Variants in RUNX1 observed in about 807,000 individuals in gnomAD.
The protein encoded by RUNX1 is runt-related transcription factor 1.
RUNX1 carries 19 observed loss-of-function variants against 42.8 expected under a neutral mutation model. That is an observed-to-expected ratio of 0.44 (90% CI 0.31 to 0.65). The LOEUF (loss-of-function observed/expected upper bound fraction) is 0.65, where lower values mean the gene tolerates loss of function less well. Among genes scored for constraint, RUNX1 ranks in the 30% least tolerant of loss-of-function variants. The pLI, the probability that RUNX1 is intolerant of heterozygous loss-of-function variation, is 0.07. For missense variants in RUNX1, 528 were observed against 672.0 expected (o/e 0.79, Z 2.37); for synonymous variants, 271 against 289.4 (o/e 0.94, Z 0.64).
intron 2 of RUNX1, among the ~76,000 whole-genome samples, chr21:35,003,137 C>T (rs1467102523): frequency 6.6e-6 from 1 of 152,238 alleles, no homozygotes; most frequent in Non-Finnish European, 1.5e-5. Flanking sequence ...TTCCAATGTA[C>T]TGCTCCTTGA....
intron 2 of RUNX1, among the ~76,000 whole-genome samples, chr21:34,957,127 T>C (rs1227723550): frequency 6.6e-6 from 1 of 152,212 alleles, no homozygotes; most frequent in East Asian, 1.9e-4. Flanking sequence ...ACCTGACGCA[T>C]GGCCAGGCTG....
intron 2 of RUNX1, among the ~76,000 whole-genome samples, chr21:35,000,406 A>G (rs1160063788): frequency 6.6e-6 from 1 of 151,484 alleles, no homozygotes; most frequent in Non-Finnish European, 1.5e-5. Flanking sequence ...ACACCTGACT[A>G]ATTTTTTGTA....
rs1344721140 is a variant in RUNX1 at position 34,849,434 on chromosome 21, T to A, written c.613+10040A>T. 5.6e-5 allele frequency among the ~76,000 whole-genome samples: 4 copies of A among 71,872 alleles called. 1 individual carries two copies. The highest frequency in any genetic ancestry group is 1.0e-4 in the Non-Finnish European group (4 of 38,970). The allele number at this position is 71,872 out of a possible 152,430, so 47.2% of individuals were successfully genotyped here. On this transcript the variant is annotated intron_variant, in intron 6 of 8. Coordinates refer to ENST00000675419, the MANE Select transcript of RUNX1 (RefSeq NM_001754.5). ...ATAATATATTATATAGTATATATAT[T>A]ATATATATACTATATATTATAATAT... is the stretch of plus-strand genomic sequence containing the variant.
At chr21:34,975,241 G>A (rs2058792625) in intron 2 of RUNX1, among the ~76,000 whole-genome samples, 1 of 152,224 alleles carries the variant, frequency 6.6e-6, no homozygotes, top group Admixed American at 6.5e-5. Flanking sequence ...TGCCCTCCGG[G>A]ATATTATGAA....
intron 2 of RUNX1, among the ~76,000 whole-genome samples, chr21:34,914,826 C>G (rs1448325288): frequency 6.6e-6 from 1 of 152,194 alleles, no homozygotes; most frequent in Non-Finnish European, 1.5e-5. Context: ...GCATGTGTCC[C>G]ACTTCTTTTT....
At chr21:34,847,683 A>C (rs1003761759) in intron 6 of RUNX1, among the ~76,000 whole-genome samples, 1 of 152,314 alleles carries the variant, frequency 6.6e-6, no homozygotes, top group Non-Finnish European at 1.5e-5. Flanking sequence ...ACAACAGCAT[A>C]GGTGCTTCAT....
At chr21:34,799,847 T>C (rs578153851) in intron 7 of RUNX1, among the ~76,000 whole-genome samples, 1 of 152,338 alleles carries the variant, frequency 6.6e-6, no homozygotes, top group South Asian at 2.1e-4. Flanking sequence ...ATTACAATTA[T>C]CATCATCAGA....
rs371026644 is a variant in RUNX1 at position 34,799,396 on chromosome 21, A to C, written c.872T>G (p.Ile291Ser). The C allele has an allele frequency of 6.2e-7, 1 of 1,614,192 alleles. No homozygotes were observed. ...YDQSYQYLGS[I>S]ASPSVHPATP... is the part of the protein sequence containing the mutation. ...TGCTGGGTGCACAGAAGGAGAGGCA[A>C]TGGATCCCAGGTATTGGTAGGACTG... Residue 291 changes from isoleucine to serine, a missense_variant, in exon 8 of 9, where the codon ATT (isoleucine) becomes AGT (serine). Ile to Ser is a moderately radical substitution (Grantham distance 142). Transcript: ENST00000675419.
intron 2 of RUNX1, among the ~76,000 whole-genome samples, chr21:34,960,859 G>A (rs1342874115): frequency 6.6e-6 from 1 of 152,152 alleles, no homozygotes; most frequent in East Asian, 1.9e-4. Flanking sequence ...AAATGTCTTG[G>A]GGTGAATGAC....
chr21:35,047,215 A>G (rs2147033766), intron 2 of RUNX1, among the ~76,000 whole-genome samples: 1 of 152,298 alleles, frequency 6.6e-6, no homozygotes, highest in East Asian at 1.9e-4. Flanking sequence ...GAGTAAAGCC[A>G]GGAAGATCTT....
intron 3 of RUNX1, among the ~76,000 whole-genome samples, chr21:34,891,803 T>G (rs2058083493): frequency 6.6e-6 from 1 of 152,100 alleles, no homozygotes; most frequent in Non-Finnish European, 1.5e-5. Context: ...GGAGGAGAAT[T>G]GAAAACGGCT....
chr21:34,964,349 A>G (rs1024454191), intron 2 of RUNX1, among the ~76,000 whole-genome samples: 5 of 151,972 alleles, frequency 3.3e-5, no homozygotes, highest in South Asian at 2.1e-4. Context: ...TTAGCCAGGC[A>G]TGGTGGCACA....
intron 2 of RUNX1, among the ~76,000 whole-genome samples, chr21:34,997,642 C>T (rs1040802085): frequency 2.0e-5 from 3 of 152,142 alleles, no homozygotes; most frequent in African/African-American, 7.3e-5. Context: ...GAGGGGCTTA[C>T]ACCCCAGGCA....
At chr21:34,903,001 T>G (rs62211821) in intron 2 of RUNX1, among the ~76,000 whole-genome samples, 37,931 of 152,020 alleles carry the variant, frequency 0.25, 5,189 homozygotes, top group African/African-American at 0.34. Flanking sequence ...TTCACATAGG[T>G]TTTCTCTAAT....
intron 6 of RUNX1, among the ~76,000 whole-genome samples, chr21:34,840,545 C>T (rs1400652646): frequency 6.6e-6 from 1 of 152,208 alleles, no homozygotes; most frequent in Non-Finnish European, 1.5e-5. Context: ...GTTCTAAGCA[C>T]GGTCTTTCTT....
chr21:34,975,813 T>C (rs559458140), intron 2 of RUNX1, among the ~76,000 whole-genome samples: 17 of 140,766 alleles, frequency 1.2e-4, no homozygotes, highest in African/African-American at 4.5e-4. Flanking sequence ...GGGGCGGAAA[T>C]AGTTTTGGAG....
chr21:34,930,289 T>TATATATATATATAAAAATAA (rs1555906453), intron 2 of RUNX1, among the ~76,000 whole-genome samples: 12 of 137,350 alleles, frequency 8.7e-5, no homozygotes, highest in African/African-American at 3.4e-4. Context: ...TATATATATA[T>TATATATATATATAAAAATAA]ATAAATAAAT....
intron 8 of RUNX1, among the ~76,000 whole-genome samples, chr21:34,793,611 TC>T (rs2056482030): frequency 6.6e-6 from 1 of 152,148 alleles, no homozygotes; most frequent in Non-Finnish European, 1.5e-5. Context: ...CCTCACTCAT[TC>T]TTTCATGTAC....
intron 7 of RUNX1, chr21:34,821,488 AC>A: frequency 6.9e-7 from 1 of 1,453,192 alleles, no homozygotes; most frequent in Non-Finnish European, 9.2e-7. Flanking sequence ...TATTATTGTT[AC>A]GACGGTTTGC....
Sources: gnomAD v4.1 joint callset for allele counts (sites outside exome capture counted in the v4.1 genomes callset) on GRCh38, gnomAD v4.1.1 for gene constraint, MANE v1.5 for transcripts, NCBI Gene and HGNC (gene_info 2026-07-23, HGNC 2026-07-21) for gene names.